Variants in CELF2 observed in about 807,000 individuals in gnomAD.
CELF2 encodes the protein CUGBP Elav-like family member 2, also known as CUG triplet repeat RNA-binding protein 2.
Under a neutral mutation model 62.6 loss-of-function variants are expected in CELF2, and 8 were observed. The observed-to-expected ratio is 0.13, with a 90% CI of 0.07 to 0.23. The LOEUF (loss-of-function observed/expected upper bound fraction) is 0.23. Among genes scored for constraint, CELF2 ranks in the 10% least tolerant of loss-of-function variants. The pLI is 1.00. For missense variants in CELF2, 333 were observed against 671.0 expected, an observed-to-expected ratio of 0.50 and a Z score of 5.56; for synonymous variants, 258 against 250.0, an observed-to-expected ratio of 1.03 and a Z score of -0.30.
intron 2 of CELF2, among the ~76,000 whole-genome samples, chr10:10,943,763 T>C (rs1048349512): frequency 7.9e-6 from 1 of 127,332 alleles, no homozygotes; most frequent in Non-Finnish European, 1.6e-5. Context: ...TACTCCCAGC[T>C]TTTTTTTTGT....
chr10:10,482,683 G>T, the CELF2 span, among the ~76,000 whole-genome samples: 1 of 152,148 alleles, frequency 6.6e-6, no homozygotes, highest in Non-Finnish European at 1.5e-5. Flanking sequence ...ATCCTGGAGA[G>T]ACTGCCCCTC....
chr10:10,766,704 G>C, the CELF2 span, among the ~76,000 whole-genome samples: 1 of 152,222 alleles, frequency 6.6e-6, no homozygotes, highest in African/African-American at 2.4e-5. Context: ...TCATGAGCCT[G>C]CTATGTCTGC....
At chr10:10,666,943 G>GCACACACATTCA in the CELF2 span, among the ~76,000 whole-genome samples, 1 of 151,462 alleles carries the variant, frequency 6.6e-6, no homozygotes, top group Non-Finnish European at 1.5e-5. Flanking sequence ...GCTTGGTTTT[G>GCACACACATTCA]CACACACATT....
At chr10:11,169,442 G>A (rs2133542599) in intron 2 of CELF2, among the ~76,000 whole-genome samples, 1 of 152,180 alleles carries the variant, frequency 6.6e-6, no homozygotes, top group East Asian at 1.9e-4. Flanking sequence ...AATAATGATG[G>A]TGAACATTAC....
the CELF2 span, among the ~76,000 whole-genome samples, chr10:10,599,725 CTTTTT>C: frequency 1.5e-5 from 2 of 134,556 alleles, no homozygotes; most frequent in South Asian, 2.3e-4. Flanking sequence ...TTCTTTCTTT[CTTTTT>C]TTTTTTTTTT....
At chr10:10,814,904 A>G (rs559345335) in intron 1 of CELF2, among the ~76,000 whole-genome samples, 223 of 152,340 alleles carry the variant, frequency 1.5e-3, no homozygotes, top group African/African-American at 5.2e-3. Flanking sequence ...TAGAGCACCT[A>G]GGGCATGAAG....
intron 3 of CELF2, among the ~76,000 whole-genome samples, chr10:11,229,969 G>C (rs1413451119): frequency 6.6e-6 from 1 of 152,148 alleles, no homozygotes; most frequent in Non-Finnish European, 1.5e-5. Context: ...AACCAATGTT[G>C]ACCCCAAGGG....
chr10:10,851,497 A>G (rs11256868), intron 1 of CELF2, among the ~76,000 whole-genome samples: 34,999 of 152,162 alleles, frequency 0.23, 4,196 homozygotes, highest in South Asian at 0.3. Flanking sequence ...TCTAGAAGAA[A>G]GCATCAGAGA....
At chr10:11,215,359 C>T (rs11257018) in intron 2 of CELF2, among the ~76,000 whole-genome samples, 1,527 of 152,306 alleles carry the variant, frequency 0.01, 27 homozygotes, top group Admixed American at 0.014. Flanking sequence ...TTTATCTTAG[C>T]GTTGTTTAAT....
chr10:11,033,218 C>A (rs903494786), intron 1 of CELF2, among the ~76,000 whole-genome samples: 1 of 149,964 alleles, frequency 6.7e-6, no homozygotes, highest in South Asian at 2.1e-4. Flanking sequence ...CTCATGAATT[C>A]TTTCTGTGAA....
At chr10:10,518,717 ATTT>A in the CELF2 span, among the ~76,000 whole-genome samples, 3,863 of 145,966 alleles carry the variant, frequency 0.026, 63 homozygotes, top group Non-Finnish European at 0.038. Flanking sequence ...CCACAAAATG[ATTT>A]TTTTTTAAAA....
chr10:11,100,674 G>A (rs1051973293), intron 1 of CELF2, among the ~76,000 whole-genome samples: 3 of 152,102 alleles, frequency 2.0e-5, no homozygotes, highest in Non-Finnish European at 2.9e-5. Context: ...ATGAAATAAT[G>A]TGCAGGGTTT....
In CELF2 at chr10:11,336,223, T is replaced by G. The variant is rs1045962393; in HGVS notation, c.*7170T>G. 2.6e-5 allele frequency: 4 copies of G among 152,702 alleles called. No individual in the cohort carries two copies. The highest frequency in any genetic ancestry group is 5.9e-5 in the Non-Finnish European group (4 of 68,054). 9.5% of individuals were successfully genotyped at this position (152,702 alleles called of 1,614,324 possible). A position where few individuals can be genotyped will look rare whatever the true frequency, so the allele number is the denominator to read the frequency against. On this transcript the variant is annotated 3_prime_UTR_variant, in exon 13 of 13. Coordinates refer to ENST00000633077, the MANE Select transcript of CELF2 (RefSeq NM_001326342.2). This position sits in a 1 kb window ranked among gnomAD's most constrained non-coding sequence, Gnocchi z 5.4. The stretch of plus-strand genomic sequence containing the variant: ...TTCCTGATAAGTGAATAAAACATTG[T>G]GACCAAACAATCAGCTTATTCACTT...
chr10:10,884,766 T>C (rs918033535), intron 1 of CELF2, among the ~76,000 whole-genome samples: 3 of 152,248 alleles, frequency 2.0e-5, no homozygotes, highest in African/African-American at 7.2e-5. Flanking sequence ...AGGGCCCAGC[T>C]AGTTTAGAAG....
At chr10:10,645,227 G>A in the CELF2 span, among the ~76,000 whole-genome samples, 1 of 152,140 alleles carries the variant, frequency 6.6e-6, no homozygotes, top group East Asian at 1.9e-4. Flanking sequence ...CATGTTTCAG[G>A]GAGAAGCACC....
At chr10:10,527,670 A>G in the CELF2 span, among the ~76,000 whole-genome samples, 3 of 152,340 alleles carry the variant, frequency 2.0e-5, no homozygotes, top group African/African-American at 7.2e-5. Context: ...ACTCCAAGCC[A>G]TCTCTAGCAG....
chr10:11,113,763 C>T (rs931313576), intron 1 of CELF2, among the ~76,000 whole-genome samples: 1 of 152,156 alleles, frequency 6.6e-6, no homozygotes, highest in Non-Finnish European at 1.5e-5. Flanking sequence ...TTTGCATGAG[C>T]TGGGGTCCTG....
chr10:10,812,894 G>A (rs577528443), intron 1 of CELF2, among the ~76,000 whole-genome samples: 2 of 152,290 alleles, frequency 1.3e-5, no homozygotes, highest in South Asian at 4.2e-4. Flanking sequence ...GCGTTTATCT[G>A]AGTGTTTGGA....
At chr10:10,899,233 A>G (rs2062765940) in intron 1 of CELF2, among the ~76,000 whole-genome samples, 1 of 152,246 alleles carries the variant, frequency 6.6e-6, no homozygotes, top group East Asian at 1.9e-4. Context: ...GTGAAAGTCA[A>G]AGTGGAACAG....
Sources: gnomAD v4.1 joint callset for allele counts (sites outside exome capture counted in the v4.1 genomes callset) on GRCh38, gnomAD v4.1.1 for gene constraint, Gnocchi (gnomAD v3.1) non-coding constraint, MANE v1.5 for transcripts, NCBI Gene and HGNC (gene_info 2026-07-23, HGNC 2026-07-21) for gene names.